WDR86: variants seen among roughly 807,000 people sequenced by gnomAD.
WDR86 encodes the protein WD repeat domain 86, also known as WD repeat-containing protein 86.
A neutral mutation model predicts 36.5 loss-of-function variants in WDR86; 30 were observed. The ratio of observed to expected loss-of-function variants is 0.82; its 90% confidence interval spans 0.61 to 1.11. The LOEUF is 1.11. Among genes scored for constraint, WDR86 ranks in the 50% most tolerant of loss-of-function variants. WDR86 has a pLI of 0.00. For synonymous variants in WDR86, 255 were observed against 252.9 expected (o/e 1.01, Z -0.08); for missense variants, 545 against 561.2 (o/e 0.97, Z 0.29).
intron 1 of WDR86, among the ~76,000 whole-genome samples, chr7:151,403,005 G>A (rs943170519): frequency 2.0e-5 from 3 of 152,164 alleles, no homozygotes; most frequent in South Asian, 2.1e-4. Flanking sequence ...ACTCCACAAC[G>A]CTCAGGTCCC....
In WDR86 at chr7:151,390,112, G is replaced by A. The variant is rs1255840923; in HGVS notation, c.727-4889C>T. On this transcript the variant is annotated intron_variant, in intron 3 of 5. Transcript: ENST00000334493. The surrounding 1 kb of genome is among the most constrained non-coding windows in gnomAD (Gnocchi z 4.5). The stretch of plus-strand genomic sequence containing the variant: ...ATGCAAGAGAGCGTGGGGTGTAATG[G>A]CCAGCCCTGGTGCCACGAACCAAGG... Among the ~76,000 whole-genome samples, 1 of 152,180 alleles carries A rather than the reference G, an allele frequency of 6.6e-6. No homozygotes were observed. The highest frequency in any genetic ancestry group is 2.4e-5 in the African/African-American group (1 of 41,438).
At chr7:151,387,359 C>T (rs34420973) in intron 3 of WDR86, among the ~76,000 whole-genome samples, 1,841 of 152,274 alleles carry the variant, frequency 0.012, 18 homozygotes, top group Non-Finnish European at 0.018. Flanking sequence ...GAGCACTGTG[C>T]TTAGCCCTCC....
rs186254830 is a variant in WDR86 at position 151,405,071 on chromosome 7, G to A, written c.163+4356C>T. 4.1e-3 allele frequency among the ~76,000 whole-genome samples: 621 copies of A among 152,288 alleles called. 4 individuals are homozygous for A. The highest frequency in any genetic ancestry group is 0.014 in the African/African-American group (595 of 41,570). ...AGGGTTATTTTCACCTGTGGGGGAG[G>A]CCCCACTGAGCCTGCTGTCCAGGAC... On this transcript the variant is annotated intron_variant, in intron 1 of 5. Coordinates refer to ENST00000334493, the MANE Select transcript of WDR86 (RefSeq NM_198285.3). This position sits in a 1 kb window ranked among gnomAD's most constrained non-coding sequence, Gnocchi z 4.7.
intron 3 of WDR86, 182 bp from the exon 4 acceptor site, chr7:151,385,405 G>A: frequency 9.1e-7 from 1 of 1,104,264 alleles, no homozygotes; most frequent in Non-Finnish European, 1.3e-6. Flanking sequence ...GCAGGCGGCT[G>A]CTCCTGCCCC....
At position 151,395,494 on chromosome 7, in the gene WDR86, GACACACACACACACAC is replaced by G. The variant is rs57122668; in HGVS notation, c.726+266_726+281del. Among the ~76,000 whole-genome samples, 1,344 of 147,120 alleles carry G rather than the reference GACACACACACACACAC, an allele frequency of 9.1e-3. 13 individuals are homozygous for G. Among genetic ancestry groups the G allele is most frequent in the Non-Finnish European group, 0.013 (858 of 66,740 alleles). The stretch of plus-strand genomic sequence containing the variant: ...TGGTGTCCTTCTAAGAAGAGATTAG[GACACACACACACACAC>G]ACACACACACACACACACACACACA... On this transcript the variant is annotated intron_variant, in intron 3 of 5. Coordinates refer to ENST00000334493, the MANE Select transcript of WDR86 (RefSeq NM_198285.3).
chr7:151,376,953 A>G, downstream of WDR86: 2 of 1,407,736 alleles, frequency 1.4e-6, no homozygotes, highest in Non-Finnish European at 1.9e-6. Flanking sequence ...CAGTGTGGCC[A>G]GCAAGAGGCA....
chr7:151,403,973 A>G (rs1237226385), intron 1 of WDR86, among the ~76,000 whole-genome samples: 1 of 152,164 alleles, frequency 6.6e-6, no homozygotes, highest in African/African-American at 2.4e-5. Context: ...TCTCAGCCCC[A>G]GGAAGGTGAA....
chr7:151,392,627 G>C (rs569702137), intron 3 of WDR86, among the ~76,000 whole-genome samples: 1 of 152,268 alleles, frequency 6.6e-6, no homozygotes, highest in Admixed American at 6.5e-5. Flanking sequence ...TAATAGAGGA[G>C]GCAAACTCCA....
chr7:151,394,674 G>A (rs1218535135), intron 3 of WDR86, among the ~76,000 whole-genome samples: 2 of 152,240 alleles, frequency 1.3e-5, no homozygotes, highest in Admixed American at 6.5e-5. Context: ...CGGCGGCTAA[G>A]GGCTGCCTGG....
Position 151,393,271 on chromosome 7 carries a change from G to A in WDR86, c.726+2505C>T, listed in dbSNP as rs964823683. ...ACACGCGCGTATCATGCATGTGCAT[G>A]TGGAGTGTGTGCGCCTATGCCTGTG... On this transcript the variant is annotated intron_variant, in intron 3 of 5. Coordinates refer to ENST00000334493, the MANE Select transcript of WDR86 (RefSeq NM_198285.3). 3.9e-5 allele frequency among the ~76,000 whole-genome samples: 6 copies of A among 152,182 alleles called. 1 individual carries two copies. Among genetic ancestry groups the A allele is most frequent in the African/African-American group, 1.4e-4 (6 of 41,430 alleles).
At chr7:151,389,641 G>A (rs897025577) in intron 3 of WDR86, among the ~76,000 whole-genome samples, 13 of 152,322 alleles carry the variant, frequency 8.5e-5, no homozygotes, top group South Asian at 2.1e-4. Context: ...TGCCCGCTCC[G>A]CCCTGCACAG....
chr7:151,371,632 C>T (rs996399810), downstream of WDR86, among the ~76,000 whole-genome samples: 30 of 152,318 alleles, frequency 2.0e-4, no homozygotes, highest in African/African-American at 5.1e-4. Flanking sequence ...AAAACAATGT[C>T]CCACAGAAAG....
intron 3 of WDR86, among the ~76,000 whole-genome samples, chr7:151,389,118 C>CTTTTTT (rs34882878): frequency 5.6e-5 from 7 of 125,574 alleles, no homozygotes; most frequent in Non-Finnish European, 5.0e-5. Context: ...CTTTTCTTTC[C>CTTTTTT]TTTTTTTTTT....
At chr7:151,392,997 T>C (rs1293110903) in intron 3 of WDR86, among the ~76,000 whole-genome samples, 3 of 152,156 alleles carry the variant, frequency 2.0e-5, no homozygotes, top group African/African-American at 4.8e-5. Context: ...GCTGTTCCCA[T>C]GGGCACCTTC....
intron 4 of WDR86, among the ~76,000 whole-genome samples, chr7:151,382,471 C>G (rs1798673587): frequency 6.6e-6 from 1 of 152,224 alleles, no homozygotes; most frequent in Admixed American, 6.5e-5. Flanking sequence ...GTCTCCTCCC[C>G]CAGGTGGCTG....
chr7:151,386,949 G>A (rs774557862), intron 3 of WDR86, among the ~76,000 whole-genome samples: 2 of 152,140 alleles, frequency 1.3e-5, no homozygotes, highest in Non-Finnish European at 2.9e-5. Flanking sequence ...TTCCTTCATC[G>A]GCAAGTGGAA....
At chr7:151,377,000 G>C (rs766657793), downstream of WDR86, 2 of 1,482,526 alleles carry the variant, frequency 1.3e-6, no homozygotes, top group Non-Finnish European at 1.8e-6. Context: ...AGTGTCCCCA[G>C]GACAATCCTC....
intron 2 of WDR86, 141 bp downstream of exon 2, chr7:151,399,959 G>A: frequency 1.4e-6 from 1 of 723,052 alleles, no homozygotes; most frequent in Non-Finnish European, 2.0e-6. Context: ...GGGTGCTACT[G>A]ACCACCTCCC....
downstream of WDR86, among the ~76,000 whole-genome samples, chr7:151,380,053 C>A (rs1308578490): frequency 6.6e-6 from 1 of 152,202 alleles, no homozygotes; most frequent in Non-Finnish European, 1.5e-5. Flanking sequence ...CGCAGCAAGA[C>A]CTGGCCACCC....
Sources: allele counts gnomAD v4.1 joint callset (sites outside exome capture counted in the v4.1 genomes callset), GRCh38; gene constraint gnomAD v4.1.1; non-coding constraint Gnocchi (gnomAD v3.1); transcripts MANE v1.5; gene names NCBI Gene and HGNC (gene_info 2026-07-23, HGNC 2026-07-21).